Variants in TOP1 observed in about 807,000 individuals in gnomAD.
TOP1 encodes DNA topoisomerase I, also known as DNA topoisomerase 1.
Under a neutral mutation model 111.1 loss-of-function variants are expected in TOP1, and 10 were observed. That is an observed-to-expected ratio of 0.09 (90% CI 0.06 to 0.15). TOP1 has a LOEUF of 0.15. Among genes scored for constraint, TOP1 ranks in the 10% least tolerant of loss-of-function variants. The pLI, the probability that TOP1 is intolerant of heterozygous loss-of-function variation, is 1.00. For missense variants in TOP1, 474 were observed against 926.7 expected (o/e 0.51, Z 6.34); for synonymous variants, 271 against 302.9 (o/e 0.89, Z 1.10).
At chr20:41,044,968 A>G (rs1191780803) in intron 2 of TOP1, among the ~76,000 whole-genome samples, 1 of 152,066 alleles carries the variant, frequency 6.6e-6, no homozygotes, top group African/African-American at 2.4e-5. Flanking sequence ...TTTTGTATTT[A>G]GTAGAGACGG....
intron 2 of TOP1, among the ~76,000 whole-genome samples, chr20:41,039,460 A>G (rs2033232516): frequency 6.6e-6 from 1 of 152,124 alleles, no homozygotes; most frequent in South Asian, 2.1e-4. Flanking sequence ...CCAAACTCTT[A>G]TTTCTTAAAA....
In TOP1 at chr20:41,071,017, T is replaced by C. The variant is rs1180660461; in HGVS notation, c.156-5154T>C. On this transcript the variant is annotated intron_variant, in intron 3 of 20. Coordinates refer to ENST00000361337, the MANE Select transcript of TOP1 (RefSeq NM_003286.4). The surrounding 1 kb of genome is among the most constrained non-coding windows in gnomAD (Gnocchi z 4.3). ...ATGAGTGCTTGGCACTGGGTGCTAC[T>C]CAAGTATCTGTTAAATACTTTTATG... Among the ~76,000 whole-genome samples the C allele has an allele frequency of 1.3e-5, 2 of 152,232 alleles. No homozygotes were observed. The highest frequency in any genetic ancestry group is 4.8e-5 in the African/African-American group (2 of 41,464).
intron 2 of TOP1, among the ~76,000 whole-genome samples, chr20:41,033,031 G>T (rs1414807567): frequency 2.6e-5 from 4 of 152,160 alleles, no homozygotes; most frequent in Non-Finnish European, 4.4e-5. Context: ...TTTAGAATTA[G>T]TGAGCCGCTA....
At chr20:41,084,085 T>C (rs572740620) in intron 7 of TOP1, among the ~76,000 whole-genome samples, 2 of 152,300 alleles carry the variant, frequency 1.3e-5, no homozygotes, top group African/African-American at 4.8e-5. Flanking sequence ...AGCCGTTATT[T>C]GATTGTACTG....
chr20:41,046,672 A>T lies in TOP1; in HGVS notation c.59-14722A>T, dbSNP rs2033338553. On this transcript the variant is annotated intron_variant, in intron 2 of 20. Coordinates refer to ENST00000361337, the MANE Select transcript of TOP1 (RefSeq NM_003286.4). This position sits in a 1 kb window ranked among gnomAD's most constrained non-coding sequence, Gnocchi z 4.3. ...AGAAATCAGTAAAACCTATTTGAGT[A>T]TTCAAGAAAAAGGATCTTTTTGTTA... Among the ~76,000 whole-genome samples the T allele has an allele frequency of 6.6e-6, 1 of 152,374 alleles. No homozygotes were observed. The highest frequency in any genetic ancestry group is 6.5e-5 in the Admixed American group (1 of 15,312).
At position 41,094,495 on chromosome 20, in the gene TOP1, T is replaced by A. The variant is rs972994584; in HGVS notation, c.730+1908T>A. The stretch of plus-strand genomic sequence containing the variant: ...TCCCTAGTCCTGTGGTTTCTCTTCC[T>A]TTTCAAGATAGGAAGCAGAGGCCTG... On this transcript the variant is annotated intron_variant, in intron 9 of 20. Transcript: ENST00000361337. This position sits in a 1 kb window ranked among gnomAD's most constrained non-coding sequence, Gnocchi z 4.4. Among the ~76,000 whole-genome samples, 1 of 152,178 alleles carries A rather than the reference T, an allele frequency of 6.6e-6. No homozygotes were observed. The highest frequency in any genetic ancestry group is 2.4e-5 in the African/African-American group (1 of 41,442).
rs759893298 is a variant in TOP1 at position 41,029,109 on chromosome 20, C to G, written c.33+9C>G. 24 of 1,502,698 alleles carry G rather than the reference C, an allele frequency of 1.6e-5. No individual in the cohort carries two copies. In the Admixed American group the frequency reaches 3.7e-4, roughly 23 times the overall value. 93.1% of individuals were successfully genotyped at this position (1,502,698 alleles called of 1,614,324 possible). A position where few individuals can be genotyped will look rare whatever the true frequency, so the allele number is the denominator to read the frequency against. On this transcript the variant is annotated intron_variant, in intron 1 of 20. Transcript: ENST00000361337. The surrounding 1 kb of genome is among the most constrained non-coding windows in gnomAD (Gnocchi z 6.1). ...TCCACAACGATTCCCAGGTACGGCC[C>G]GGCCTGACCCTGGCGGCCCCGGACC...
At chr20:41,053,510 G>A (rs1206402852) in intron 2 of TOP1, among the ~76,000 whole-genome samples, 5 of 152,006 alleles carry the variant, frequency 3.3e-5, no homozygotes, top group South Asian at 2.1e-4. Context: ...GCCTTACTGC[G>A]CTTACTGAAA....
intron 7 of TOP1, among the ~76,000 whole-genome samples, chr20:41,084,062 C>G (rs141635375): frequency 2.0e-5 from 3 of 152,186 alleles, no homozygotes; most frequent in African/African-American, 7.2e-5. Context: ...ATATCTAATG[C>G]AAAGCCCCGT....
Position 41,121,043 on chromosome 20 carries a change from C to A in TOP1, c.1951-653C>A, listed in dbSNP as rs1166190279. ...AGGCGTGAGACACCGCGCCTGGTGA[C>A]CGCTCTCCTTTTAAAAACAGAATGC... On this transcript the variant is annotated intron_variant, in intron 18 of 20. Coordinates refer to ENST00000361337, the MANE Select transcript of TOP1 (RefSeq NM_003286.4). This position sits in a 1 kb window ranked among gnomAD's most constrained non-coding sequence, Gnocchi z 4.2. 1.3e-5 allele frequency among the ~76,000 whole-genome samples: 2 copies of A among 152,184 alleles called. No individual in the cohort carries two copies. The highest frequency in any genetic ancestry group is 1.3e-4 in the Admixed American group (2 of 15,272).
rs1158628928 is a variant in TOP1 at position 41,082,969 on chromosome 20, T to C, written c.508-1493T>C. Among the ~76,000 whole-genome samples the C allele has an allele frequency of 2.0e-5, 3 of 152,182 alleles. No homozygotes were observed. Among genetic ancestry groups the C allele is most frequent in the Admixed American group, 2.0e-4 (3 of 15,272 alleles). ...CAGCCCTACCACATAGGGGGAAAAA[T>C]GCTGGCTGAAAGACTGAATTAATAC... is the stretch of plus-strand genomic sequence containing the variant. On this transcript the variant is annotated intron_variant, in intron 7 of 20. Coordinates refer to ENST00000361337, the MANE Select transcript of TOP1 (RefSeq NM_003286.4). The surrounding 1 kb of genome is among the most constrained non-coding windows in gnomAD (Gnocchi z 4.1).
chr20:41,114,013 C>T lies in TOP1; in HGVS notation c.1496C>T (p.Ala499Val), dbSNP rs2145965794. The change falls in exon 15 of 21, where the codon GCG (alanine) becomes GTG (valine). Residue 499 changes from alanine (A) to valine (V), a missense_variant. Physicochemically the swap from Ala to Val is moderately conservative, Grantham distance 64 (BLOSUM62 0). This residue lies in a region of TOP1 where 8 missense variants were observed against 61.9 expected (regional missense o/e 0.13). Coordinates refer to ENST00000361337, the MANE Select transcript of TOP1 (RefSeq NM_003286.4). This position sits in a 1 kb window ranked among gnomAD's most constrained non-coding sequence, Gnocchi z 4.5. ...AGNEKEEGETADTVGCCSLRV... is the reference protein window; with the variant it reads ...AGNEKEEGETVDTVGCCSLRV... ...AATGAAAAGGAGGAAGGAGAAACAG[C>T]GGACACTGTGGGCTGCTGCTCACTT... 6.2e-7 allele frequency: 1 copy of T among 1,613,920 alleles called. No homozygotes were observed. Among genetic ancestry groups the T allele is most frequent in the Non-Finnish European group, 8.5e-7 (1 of 1,179,870 alleles).
rs1189078721 is a variant in TOP1, at chr20:41,114,130, A to G, written c.1613A>G (p.Tyr538Cys). The part of the protein sequence containing the change: ...DFLGKDSIRY[Y>C]NKVPVEKRVF... ...CTCGGGAAGGACTCCATCAGATACT[A>G]TAACAAGGTCCCTGTTGAGAAACGA... Residue 538 changes from tyrosine to cysteine, a missense_variant, in exon 15 of 21, where the codon TAT (tyrosine) becomes TGT (cysteine). Transcript: ENST00000361337. This position sits in a 1 kb window ranked among gnomAD's most constrained non-coding sequence, Gnocchi z 4.5. The G allele has an allele frequency of 1.9e-6, 3 of 1,613,880 alleles. No homozygotes were observed. Among genetic ancestry groups the G allele is most frequent in the South Asian group, 1.1e-5 (1 of 91,074 alleles).
chr20:41,056,876 C>T (rs550850214), intron 2 of TOP1, among the ~76,000 whole-genome samples: 1 of 152,234 alleles, frequency 6.6e-6, no homozygotes, highest in South Asian at 2.1e-4. Flanking sequence ...GAGTTTCTCA[C>T]CAGACATTTT....
intron 8 of TOP1, among the ~76,000 whole-genome samples, chr20:41,087,127 A>G (rs1312352166): frequency 6.6e-6 from 1 of 152,224 alleles, no homozygotes; most frequent in African/African-American, 2.4e-5. Flanking sequence ...CTTTACCAGA[A>G]AAAACCACTT....
At position 41,029,544 on chromosome 20, in the gene TOP1, T is replaced by A. The variant is rs753837938; in HGVS notation, c.58+89T>A. 9.3e-7 allele frequency: 1 copy of A among 1,077,342 alleles called. No individual in the cohort carries two copies. Among genetic ancestry groups the A allele is most frequent in the Non-Finnish European group, 1.4e-6 (1 of 723,982 alleles). The allele number at this position is 1,077,342 out of a possible 1,614,324, so 66.7% of individuals were successfully genotyped here. On this transcript the variant is annotated intron_variant, in intron 2 of 20. Transcript: ENST00000361337. This position sits in a 1 kb window ranked among gnomAD's most constrained non-coding sequence, Gnocchi z 6.1. Reference sequence around the variant, plus strand: ...GCCGGTGCCGGGCAGAGGACAGACATGGCGTCCCAGAGACTAAGTCCCGGC... The same window carrying A: ...GCCGGTGCCGGGCAGAGGACAGACAAGGCGTCCCAGAGACTAAGTCCCGGC...
At chr20:41,105,761 C>T (rs756249750) in intron 13 of TOP1, among the ~76,000 whole-genome samples, 1 of 152,206 alleles carries the variant, frequency 6.6e-6, no homozygotes, top group Non-Finnish European at 1.5e-5. Context: ...GCACAAAGTG[C>T]TGGGATTACA....
At position 41,055,736 on chromosome 20, in the gene TOP1, C is replaced by G. The variant is rs986879306; in HGVS notation, c.59-5658C>G. 2.6e-5 allele frequency among the ~76,000 whole-genome samples: 4 copies of G among 152,292 alleles called. No individual in the cohort carries two copies. In the South Asian group the frequency reaches 8.3e-4, roughly 32 times the overall value. ...GGAACTGGGTTCTACTTCCATTTTC[C>G]CAAATGTGCTTTTACATTTTTTCCT... is the stretch of plus-strand genomic sequence containing the variant. On this transcript the variant is annotated intron_variant, in intron 2 of 20. Transcript: ENST00000361337.
chr20:41,064,037 G>GT (rs1445049743), intron 3 of TOP1, among the ~76,000 whole-genome samples: 1 of 152,168 alleles, frequency 6.6e-6, no homozygotes, highest in Non-Finnish European at 1.5e-5. Flanking sequence ...GTTTTTAACA[G>GT]TTTTAAGTTT....
Sources: gnomAD v4.1 joint callset for allele counts (sites outside exome capture counted in the v4.1 genomes callset) on GRCh38, gnomAD v4.1.1 for gene constraint, gnomAD v4.1.1 regional missense constraint, Gnocchi (gnomAD v3.1) non-coding constraint, MANE v1.5 for transcripts, NCBI Gene and HGNC (gene_info 2026-07-23, HGNC 2026-07-21) for gene names.